Variants in TENM2 observed in about 807,000 individuals in gnomAD.
TENM2 encodes teneurin-2.
A neutral mutation model predicts 245.2 loss-of-function variants in TENM2; 52 were observed. The ratio of observed to expected loss-of-function variants is 0.21; its 90% CI spans 0.17 to 0.27. The LOEUF (loss-of-function observed/expected upper bound fraction) is 0.27, where lower values mean the gene tolerates loss of function less well. TENM2 is among the 10% of genes least tolerant of loss of function. TENM2 has a pLI of 1.00. For missense variants in TENM2, 3,046 were observed against 3,666.8 expected (o/e 0.83, Z 4.37); for synonymous variants, 1,363 against 1,438.9 (o/e 0.95, Z 1.19).
chr5:167,418,581 C>T (rs1455718519), intron 2 of TENM2, among the ~76,000 whole-genome samples: 1 of 152,088 alleles, frequency 6.6e-6, no homozygotes, highest in Non-Finnish European at 1.5e-5. Context: ...GTAGCCAGAA[C>T]AATGAACAGG....
chr5:167,494,974 A>T (rs75487921), intron 2 of TENM2, among the ~76,000 whole-genome samples: 1 of 152,114 alleles, frequency 6.6e-6, no homozygotes, highest in Non-Finnish European at 1.5e-5. Context: ...GGCATTTTCA[A>T]TTCACAAAGG....
chr5:167,279,248 T>C, the TENM2 span, among the ~76,000 whole-genome samples: 2 of 152,178 alleles, frequency 1.3e-5, no homozygotes, highest in African/African-American at 2.4e-5. Flanking sequence ...ATGGATGCAA[T>C]TGGATTTGTC....
At chr5:167,816,654 T>C (rs1323144990) in intron 2 of TENM2, among the ~76,000 whole-genome samples, 1 of 152,060 alleles carries the variant, frequency 6.6e-6, no homozygotes, top group Non-Finnish European at 1.5e-5. Context: ...CATTCATCAT[T>C]AGAAATTGAG....
chr5:167,105,887 CAAAAAAAAAAAAAAAAAAAAAAAAA>C, the TENM2 span, among the ~76,000 whole-genome samples: 2 of 48,848 alleles, frequency 4.1e-5, no homozygotes, highest in Non-Finnish European at 3.3e-5. Context: ...GACTCCGTCT[CAAAAAAAAAAAAAAAAAAAAAAAAA>C]AAAAAAAAAA....
the TENM2 span, among the ~76,000 whole-genome samples, chr5:167,112,074 A>G: frequency 1.3e-5 from 2 of 152,174 alleles, no homozygotes; most frequent in African/African-American, 4.8e-5. Flanking sequence ...GGGACATTAA[A>G]ATGATTGACA....
chr5:168,087,796 AG>A (rs1023083105), intron 7 of TENM2, among the ~76,000 whole-genome samples: 6 of 152,118 alleles, frequency 3.9e-5, no homozygotes, highest in African/African-American at 1.4e-4. Context: ...ATATCATTTT[AG>A]GGGGTAATAA....
intron 2 of TENM2, among the ~76,000 whole-genome samples, chr5:167,648,018 C>T (rs555668440): frequency 6.6e-6 from 1 of 152,350 alleles, no homozygotes; most frequent in East Asian, 1.9e-4. Flanking sequence ...ATCCTCAGGA[C>T]TTGCTACGAT....
At chr5:167,423,799 T>A (rs891786177) in intron 2 of TENM2, among the ~76,000 whole-genome samples, 4 of 152,162 alleles carry the variant, frequency 2.6e-5, no homozygotes, top group African/African-American at 9.7e-5. Context: ...TAAGTGAAGT[T>A]CAATATCAAG....
At chr5:167,530,420 T>A (rs1416433441) in intron 2 of TENM2, among the ~76,000 whole-genome samples, 1 of 152,250 alleles carries the variant, frequency 6.6e-6, no homozygotes, top group African/African-American at 2.4e-5. Context: ...TGTTAGGCCC[T>A]GGGCTTAATA....
chr5:167,080,745 G>T, the TENM2 span, among the ~76,000 whole-genome samples: 1 of 152,088 alleles, frequency 6.6e-6, no homozygotes, highest in Non-Finnish European at 1.5e-5. Flanking sequence ...TCGAAGTGCT[G>T]TATATTCCTG....
chr5:167,292,027 C>T (rs1034788834), intron 1 of TENM2, among the ~76,000 whole-genome samples: 3 of 152,114 alleles, frequency 2.0e-5, no homozygotes, highest in African/African-American at 7.2e-5. Flanking sequence ...CAGGGAAGAG[C>T]ACCTGTACAG....
chr5:168,246,562 C>T (rs1766591971), intron 26 of TENM2, among the ~76,000 whole-genome samples, 195 bp from the exon 29 acceptor site: 1 of 152,166 alleles, frequency 6.6e-6, no homozygotes, highest in African/African-American at 2.4e-5. Flanking sequence ...ATTTGGGAAG[C>T]ACTGGTCTAG....
At chr5:167,360,203 C>G (rs1303550355) in intron 1 of TENM2, among the ~76,000 whole-genome samples, 1 of 152,116 alleles carries the variant, frequency 6.6e-6, no homozygotes, top group African/African-American at 2.4e-5. Context: ...CCATTATATC[C>G]AAGTACTTAC....
the TENM2 span, among the ~76,000 whole-genome samples, chr5:167,092,423 A>G: frequency 6.6e-6 from 1 of 152,186 alleles, no homozygotes; most frequent in African/African-American, 2.4e-5. Context: ...TAGGAAAGCT[A>G]TCTGACACCA....
chr5:167,857,722 G>A (rs886464020), intron 2 of TENM2, among the ~76,000 whole-genome samples: 13 of 152,194 alleles, frequency 8.5e-5, no homozygotes, highest in Non-Finnish European at 1.6e-4. Flanking sequence ...GGGGAGGGGA[G>A]CAGAGTAATT....
At chr5:167,092,946 T>A in the TENM2 span, among the ~76,000 whole-genome samples, 1 of 152,182 alleles carries the variant, frequency 6.6e-6, no homozygotes, top group Non-Finnish European at 1.5e-5. Flanking sequence ...TGACTTGGAA[T>A]CTTAGATTTG....
intron 1 of TENM2, among the ~76,000 whole-genome samples, chr5:167,371,358 C>CTTTTTTT (rs35083581): frequency 8.3e-6 from 1 of 119,984 alleles, no homozygotes; most frequent in Non-Finnish European, 1.7e-5. Flanking sequence ...TCTTTCTTTT[C>CTTTTTTT]TTTTTTTTTT....
chr5:167,235,988 G>C, the TENM2 span, among the ~76,000 whole-genome samples: 1 of 152,030 alleles, frequency 6.6e-6, no homozygotes, highest in Admixed American at 6.6e-5. Flanking sequence ...GGCAATAATC[G>C]GTAGATATTC....
intron 23 of TENM2, among the ~76,000 whole-genome samples, chr5:168,222,197 A>G (rs534775450): frequency 2.6e-5 from 4 of 152,358 alleles, no homozygotes; most frequent in African/African-American, 9.6e-5. Context: ...CTTGCACATT[A>G]GGTCTTTTTA....
Sources: allele counts gnomAD v4.1 joint callset (sites outside exome capture counted in the v4.1 genomes callset), GRCh38; gene constraint gnomAD v4.1.1; transcripts MANE v1.5; gene names NCBI Gene and HGNC (gene_info 2026-07-23, HGNC 2026-07-21).